LPP: variants seen among roughly 807,000 people sequenced by gnomAD.
LPP encodes LIM domain containing preferred translocation partner in lipoma.
Under a neutral mutation model 60.4 loss-of-function variants are expected in LPP, and 38 were observed. The ratio of observed to expected loss-of-function variants is 0.63; its 90% CI spans 0.49 to 0.83. The LOEUF is 0.83. Among genes scored for constraint, LPP ranks in the 40% least tolerant of loss-of-function variants. The probability of loss-of-function intolerance (pLI) is 0.00; values close to 1 mark genes in which losing one functional copy is unlikely to be tolerated. For synonymous variants in LPP, 328 were observed against 290.8 expected (o/e 1.13, Z -1.30); for missense variants, 902 against 783.6 (o/e 1.15, Z -1.80).
intron 9 of LPP, among the ~76,000 whole-genome samples, chr3:188,801,175 G>C (rs985955325): frequency 2.0e-5 from 3 of 152,174 alleles, no homozygotes; most frequent in Non-Finnish European, 4.4e-5. Flanking sequence ...GCCATGGAAT[G>C]AAGAGCCCTA....
At chr3:188,392,885 G>T (rs937447241) in intron 3 of LPP, among the ~76,000 whole-genome samples, 10 of 152,064 alleles carry the variant, frequency 6.6e-5, no homozygotes, top group African/African-American at 2.4e-4. Context: ...GAAACATTCC[G>T]AAATGTTGAG....
At chr3:188,551,700 G>T (rs900159220) in intron 6 of LPP, among the ~76,000 whole-genome samples, 8 of 152,112 alleles carry the variant, frequency 5.3e-5, no homozygotes, top group African/African-American at 1.4e-4. Flanking sequence ...TGTGGGTTGA[G>T]GAAGATTGTG....
intron 2 of LPP, among the ~76,000 whole-genome samples, chr3:188,322,666 C>T (rs1757281892): frequency 6.6e-6 from 1 of 152,116 alleles, no homozygotes; most frequent in Non-Finnish European, 1.5e-5. Context: ...TGGAAGAGTG[C>T]CGGACAGCTG....
chr3:188,159,898 T>G (rs1717674170), intron 1 of LPP, among the ~76,000 whole-genome samples: 1 of 139,580 alleles, frequency 7.2e-6, no homozygotes, highest in South Asian at 2.2e-4. Flanking sequence ...AGACAGAGTA[T>G]TTTTTTGTTT....
chr3:188,863,027 T>C (rs971383633), intron 9 of LPP, among the ~76,000 whole-genome samples: 4 of 152,124 alleles, frequency 2.6e-5, no homozygotes, highest in African/African-American at 9.7e-5. Flanking sequence ...CCATTAGCAA[T>C]TTCTAGAATT....
chr3:188,671,961 C>T (rs1349493205), intron 7 of LPP, among the ~76,000 whole-genome samples: 1 of 152,130 alleles, frequency 6.6e-6, no homozygotes, highest in African/African-American at 2.4e-5. Context: ...AAGTATTCTT[C>T]ATTGGTTGCT....
intron 7 of LPP, among the ~76,000 whole-genome samples, chr3:188,670,120 G>T (rs1171063295): frequency 6.6e-6 from 1 of 152,124 alleles, no homozygotes; most frequent in Non-Finnish European, 1.5e-5. Context: ...GGGAGAGGAG[G>T]GAGGGATAGC....
intron 2 of LPP, among the ~76,000 whole-genome samples, chr3:188,252,065 TATATATATATAC>T (rs1166903268): frequency 5.0e-4 from 53 of 105,312 alleles, no homozygotes; most frequent in African/African-American, 1.6e-3. Context: ...TATATATATA[TATATATATATAC>T]ACACACACAC....
intron 1 of LPP, among the ~76,000 whole-genome samples, chr3:188,195,587 G>A (rs1290749532): frequency 6.6e-6 from 1 of 152,174 alleles, no homozygotes; most frequent in Non-Finnish European, 1.5e-5. Context: ...ATGACATATG[G>A]CAGTTTAGCA....
In LPP at chr3:188,866,272, T is replaced by C; in HGVS notation, c.1483T>C (p.Tyr495His). ...ERILRATGKA[Y>H]HPHCFTCVMC... is the part of the protein sequence containing the mutation. ...GATTCTCCGAGCCACCGGGAAGGCC[T>C]ATCATCCTCACTGTTTCACCTGCGT... The change falls in exon 10 of 12, where the codon TAT (tyrosine) becomes CAT (histidine). Residue 495 changes from tyrosine to histidine, a missense_variant. Physicochemically the swap from Tyr to His is moderately conservative, Grantham distance 83. Coordinates refer to ENST00000617246, the MANE Select transcript of LPP (RefSeq NM_001375462.1). The C allele has an allele frequency of 6.3e-7, 1 of 1,591,306 alleles. No individual in the cohort carries two copies. The highest frequency in any genetic ancestry group is 8.6e-7 in the Non-Finnish European group (1 of 1,168,038).
chr3:188,679,656 T>C (rs571984104), intron 7 of LPP, among the ~76,000 whole-genome samples: 1 of 152,276 alleles, frequency 6.6e-6, no homozygotes, highest in South Asian at 2.1e-4. Flanking sequence ...ACATGGATGC[T>C]CTGGTTAGTC....
intron 8 of LPP, among the ~76,000 whole-genome samples, chr3:188,753,777 G>A (rs549259907): frequency 6.6e-6 from 1 of 152,172 alleles, no homozygotes; most frequent in East Asian, 1.9e-4. Context: ...GAGTGTGGGT[G>A]TGTGTGAGTG....
At chr3:188,305,286 A>T (rs1751168053) in intron 2 of LPP, among the ~76,000 whole-genome samples, 1 of 152,218 alleles carries the variant, frequency 6.6e-6, no homozygotes, top group Non-Finnish European at 1.5e-5. Flanking sequence ...GCAGCCCTCA[A>T]GTCAACAACC....
At chr3:188,766,472 T>C (rs975747396) in intron 9 of LPP, among the ~76,000 whole-genome samples, 4 of 151,438 alleles carry the variant, frequency 2.6e-5, no homozygotes, top group Admixed American at 2.0e-4. Flanking sequence ...TCTTTTATCA[T>C]ATTACCCTCT....
intron 6 of LPP, among the ~76,000 whole-genome samples, chr3:188,598,762 A>G (rs1840480429): frequency 6.6e-6 from 1 of 152,156 alleles, no homozygotes; most frequent in African/African-American, 2.4e-5. Context: ...TAAACAAGTA[A>G]AATCACTTAT....
chr3:188,654,546 G>A (rs912448888), intron 7 of LPP, among the ~76,000 whole-genome samples: 1 of 152,134 alleles, frequency 6.6e-6, no homozygotes, highest in African/African-American at 2.4e-5. Flanking sequence ...GTGTGTGTGT[G>A]TGTGTATGCG....
At chr3:188,253,204 T>A (rs1037143792) in intron 2 of LPP, among the ~76,000 whole-genome samples, 1 of 152,158 alleles carries the variant, frequency 6.6e-6, no homozygotes, top group Non-Finnish European at 1.5e-5. Flanking sequence ...GTTTATCTTT[T>A]GACTTTGATT....
intron 1 of LPP, among the ~76,000 whole-genome samples, chr3:188,190,836 C>T (rs898578131): frequency 6.6e-6 from 1 of 152,166 alleles, no homozygotes. Context: ...AAGTCACCTC[C>T]CCATCATTGT....
At chr3:188,380,563 T>A (rs995285266) in intron 3 of LPP, among the ~76,000 whole-genome samples, 1 of 152,230 alleles carries the variant, frequency 6.6e-6, no homozygotes, top group Non-Finnish European at 1.5e-5. Flanking sequence ...TGTGTTTGCA[T>A]CTCTTGTAGC....
Sources: gnomAD v4.1 joint callset for allele counts (sites outside exome capture counted in the v4.1 genomes callset) on GRCh38, gnomAD v4.1.1 for gene constraint, MANE v1.5 for transcripts, NCBI Gene and HGNC (gene_info 2026-07-23, HGNC 2026-07-21) for gene names.